The following ATP10A variants were observed in gnomAD, a reference collection of about 807,000 sequenced individuals.
ATP10A encodes the protein phospholipid-transporting ATPase VA.
In ATP10A, 111 loss-of-function variants were observed where a neutral mutation model predicts 147.8. That is an observed-to-expected ratio of 0.75 (90% CI 0.64 to 0.88). ATP10A has a LOEUF of 0.88. Ranked by LOEUF, ATP10A falls within the 40% of genes least tolerant of loss-of-function variation. The pLI, the probability that ATP10A is intolerant of heterozygous loss-of-function variation, is 0.00. For synonymous variants in ATP10A, 875 were observed against 841.6 expected, an observed-to-expected ratio of 1.04 and a Z score of -0.69; for missense variants, 1,927 against 1,959.0, an observed-to-expected ratio of 0.98 and a Z score of 0.31.
chr15:25,797,019 T>C lies in ATP10A; in HGVS notation c.450-15796A>G, dbSNP rs375580867. Among the ~76,000 whole-genome samples the C allele has an allele frequency of 5.9e-5, 9 of 152,320 alleles. No homozygotes were observed. In the South Asian group the frequency reaches 6.2e-4, roughly 11 times the overall value. ...ATTTAAAATCTACTTGTTAGCAATTTTGAAATACACATTGCTATTAACTAT... is the reference window on the plus strand; with the variant it reads ...ATTTAAAATCTACTTGTTAGCAATTCTGAAATACACATTGCTATTAACTAT... On this transcript the variant is annotated intron_variant, in intron 1 of 20. Transcript: ENST00000555815.
chr15:25,766,661 T>G lies in ATP10A; in HGVS notation c.654+14358A>C, dbSNP rs937120690. 1.6e-4 allele frequency among the ~76,000 whole-genome samples: 25 copies of G among 152,108 alleles called. No homozygotes were observed. The South Asian group carries it at 3.5e-3, about 22-fold the overall frequency. On this transcript the variant is annotated intron_variant, in intron 2 of 20. Coordinates refer to ENST00000555815, the MANE Select transcript of ATP10A (RefSeq NM_024490.4). ...AGGGCCAGGTGGTGCTTACATGCACTGAGGAACCACACGCTCAAACACTGC... is the reference window on the plus strand; with the variant it reads ...AGGGCCAGGTGGTGCTTACATGCACGGAGGAACCACACGCTCAAACACTGC...
chr15:25,714,963 T>C lies in ATP10A; in HGVS notation c.1777-722A>G, dbSNP rs1026434405. On this transcript the variant is annotated intron_variant, in intron 9 of 20. Transcript: ENST00000555815. ...AGTAAGAAACAAAATGAATGACACA[T>C]ATACACACACACACACACACACACA... 4.0e-4 allele frequency among the ~76,000 whole-genome samples: 49 copies of C among 123,982 alleles called. 1 individual carries two copies. Among genetic ancestry groups the C allele is most frequent in the South Asian group, 2.7e-3 (10 of 3,752 alleles). The allele number at this position is 123,982 out of a possible 152,430, so 81.3% of individuals were successfully genotyped here.
At chr15:25,840,399 A>G (rs763835216) in intron 1 of ATP10A, among the ~76,000 whole-genome samples, 6 of 152,040 alleles carry the variant, frequency 3.9e-5, no homozygotes, top group Non-Finnish European at 1.5e-5. Context: ...CTTTCTGTTC[A>G]TAATTCTCAT....
chr15:25,688,378 G>C (rs998181717), intron 15 of ATP10A, among the ~76,000 whole-genome samples: 1 of 152,162 alleles, frequency 6.6e-6, no homozygotes, highest in Non-Finnish European at 1.5e-5. Context: ...AACCCAGGAC[G>C]CCGGGTGCGG....
chr15:25,743,292 C>G (rs940655320), intron 2 of ATP10A, among the ~76,000 whole-genome samples: 4 of 152,174 alleles, frequency 2.6e-5, no homozygotes, highest in Non-Finnish European at 2.9e-5. Context: ...ATGTGAAATT[C>G]TAAAGCACAA....
At chr15:25,694,055 C>T (rs909688728) in intron 14 of ATP10A, among the ~76,000 whole-genome samples, 2 of 151,940 alleles carry the variant, frequency 1.3e-5, no homozygotes, top group Non-Finnish European at 3.0e-5. Context: ...ACGGCCACTG[C>T]TTCCTTCCTG....
At position 25,683,817 on chromosome 15, in the gene ATP10A, G is replaced by T. The variant is rs1899560135; in HGVS notation, c.3292-331C>A. 9.9e-6 allele frequency: 3 copies of T among 302,238 alleles called. No homozygotes were observed. The East Asian group carries it at 2.4e-4, about 24-fold the overall frequency. The allele number at this position is 302,238 out of a possible 1,614,324, so 18.7% of individuals were successfully genotyped here. The stretch of plus-strand genomic sequence containing the variant: ...TAAAACAAAATCAAGGTTTCACAGG[G>T]GTGTAGGGCTGCTCACATTTCAAGA... On this transcript the variant is annotated intron_variant, in intron 16 of 20. Coordinates refer to ENST00000555815, the MANE Select transcript of ATP10A (RefSeq NM_024490.4).
intron 1 of ATP10A, among the ~76,000 whole-genome samples, chr15:25,782,956 G>A (rs1889992399): frequency 6.6e-6 from 1 of 151,964 alleles, no homozygotes; most frequent in African/African-American, 2.4e-5. Flanking sequence ...GATTGCTTGA[G>A]GCTGGGAGTT....
chr15:25,695,060 T>G lies in ATP10A; in HGVS notation c.2847A>C (p.Lys949Asn). 1.2e-6 allele frequency: 2 copies of G among 1,614,152 alleles called. No individual in the cohort carries two copies. Among genetic ancestry groups the G allele is most frequent in the Non-Finnish European group, 1.7e-6 (2 of 1,180,026 alleles). ...LQRAPEKTKG[K>N]VSMRFSSLCP... ...AGAGAGAGGAGAACCTCATGCTCAC[T>G]TTGCCCTTGGTCTTCTCAGGGGCTC... Residue 949 changes from lysine to asparagine, a missense_variant, in exon 14 of 21, where the codon AAA becomes AAC. By Grantham distance (94) the Lys-to-Asn change is moderately conservative. Coordinates refer to ENST00000555815, the MANE Select transcript of ATP10A (RefSeq NM_024490.4).
chr15:25,687,620 ATCCTCCT>A, intron 16 of ATP10A, 76 bp downstream of exon 16: 1 of 899,722 alleles, frequency 1.1e-6, no homozygotes, highest in Non-Finnish European at 1.4e-6. Flanking sequence ...CATCTGCTCC[ATCCTCCT>A]TCGCCTCATT....
chr15:25,806,434 T>A (rs1255225035), intron 1 of ATP10A, among the ~76,000 whole-genome samples: 2 of 152,062 alleles, frequency 1.3e-5, no homozygotes, highest in African/African-American at 4.8e-5. Context: ...TGCCTCAGCC[T>A]CCCGAATACC....
intron 1 of ATP10A, among the ~76,000 whole-genome samples, chr15:25,825,086 T>C (rs1446742442): frequency 1.3e-5 from 2 of 152,148 alleles, no homozygotes; most frequent in Non-Finnish European, 2.9e-5. Flanking sequence ...TGGAGCTCCT[T>C]CAAAGCCCAT....
chr15:25,727,299 T>C (rs1368299831), intron 3 of ATP10A, 33 bp from the exon 4 acceptor site: 12 of 1,562,742 alleles, frequency 7.7e-6, no homozygotes, highest in Non-Finnish European at 1.1e-5. Flanking sequence ...TGTCACGTGG[T>C]TGCAGGCCTG....
At chr15:25,735,490 G>A (rs1213651758) in intron 3 of ATP10A, among the ~76,000 whole-genome samples, 1 of 152,148 alleles carries the variant, frequency 6.6e-6, no homozygotes, top group African/African-American at 2.4e-5. Context: ...TTTGGAGCAG[G>A]AAGGGGCTGG....
rs146387652 is a variant in ATP10A at position 25,680,238 on chromosome 15, G to A, written c.3749C>T (p.Ala1250Val). ...LFFTVALIYN[A>V]SCATCYPPSN... ...CGGAGGATAGCACGTGGCACAAGACGCATTGTAAATCAAAGCCACGGTGAA... is the reference window on the plus strand; with the variant it reads ...CGGAGGATAGCACGTGGCACAAGACACATTGTAAATCAAAGCCACGGTGAA... The change falls in exon 20 of 21, where the codon GCG becomes GTG. Residue 1250 changes from alanine (A) to valine (V), a missense_variant. Coordinates refer to ENST00000555815, the MANE Select transcript of ATP10A (RefSeq NM_024490.4). 5 of 1,613,986 alleles carry A rather than the reference G, an allele frequency of 3.1e-6. No homozygotes were observed. Among genetic ancestry groups the A allele is most frequent in the African/African-American group, 1.3e-5 (1 of 74,908 alleles).
intron 2 of ATP10A, among the ~76,000 whole-genome samples, chr15:25,752,339 C>T (rs1596816666): frequency 6.6e-6 from 1 of 152,142 alleles, no homozygotes. Flanking sequence ...GAAATTCTGT[C>T]ATTTGCAACA....
At chr15:25,799,914 C>A (rs546589772) in intron 1 of ATP10A, among the ~76,000 whole-genome samples, 1 of 152,238 alleles carries the variant, frequency 6.6e-6, no homozygotes, top group Non-Finnish European at 1.5e-5. Context: ...ACAACAACAA[C>A]AAACCCAGAA....
intron 7 of ATP10A, among the ~76,000 whole-genome samples, chr15:25,721,347 C>T (rs4906623): frequency 0.99 from 150,054 of 152,320 alleles, 73,961 homozygotes; most frequent in East Asian, 1. Context: ...GCAAGGGGAC[C>T]GGATGCCTTG....
intron 12 of ATP10A, among the ~76,000 whole-genome samples, chr15:25,704,197 T>C (rs1900839445): frequency 6.6e-6 from 1 of 151,212 alleles, no homozygotes; most frequent in South Asian, 2.1e-4. Flanking sequence ...AAGACAGGGA[T>C]GGTCTTGCCT....
Sources: allele counts gnomAD v4.1 joint callset (sites outside exome capture counted in the v4.1 genomes callset), GRCh38; gene constraint gnomAD v4.1.1; transcripts MANE v1.5; gene names NCBI Gene and HGNC (gene_info 2026-07-23, HGNC 2026-07-21).